Variants in SLC6A8 observed in about 807,000 individuals in gnomAD.
SLC6A8 encodes the protein sodium- and chloride-dependent creatine transporter 1.
SLC6A8 carries 6 observed loss-of-function variants against 48.3 expected under a neutral mutation model. The observed-to-expected ratio is 0.12, with a 90% CI of 0.07 to 0.25. SLC6A8 has a LOEUF of 0.25. Among genes scored for constraint, SLC6A8 ranks in the 10% least tolerant of loss-of-function variants. The pLI, the probability that SLC6A8 is intolerant of heterozygous loss-of-function variation, is 1.00. For missense variants in SLC6A8, 260 were observed against 551.5 expected, an observed-to-expected ratio of 0.47 and a Z score of 5.29; for synonymous variants, 245 against 244.0, an observed-to-expected ratio of 1.00 and a Z score of -0.04.
Position 153,688,542 on chromosome X carries a change from G to T in SLC6A8, c.-33G>T. 1.2e-6 allele frequency: 1 copy of T among 828,842 alleles called. No homozygotes were observed. The allele number at this position is 828,842 out of a possible 1,213,427, so 68.3% of individuals were successfully genotyped here. A position where few individuals can be genotyped will look rare whatever the true frequency, so the allele number is the denominator to read the frequency against. On this transcript the variant is annotated 5_prime_UTR_variant, in exon 1 of 13. Coordinates refer to ENST00000253122, the MANE Select transcript of SLC6A8 (RefSeq NM_005629.4). ...ACCGCCGCCCCCCGTGAGGCGCCGC[G>T]ACCCCGGCCCGGCCGTGCGGCCCGC...
Position 153,696,192 on chromosome X carries a change from C to A in SLC6A8, c.*978C>A, listed in dbSNP as rs1234170254. 1.1e-4 allele frequency: 29 copies of A among 254,156 alleles called. No homozygotes were observed. In the Admixed American group the frequency reaches 1.4e-3, roughly 13 times the overall value. The allele number at this position is 254,156 out of a possible 1,213,427, so 20.9% of individuals were successfully genotyped here. A position where few individuals can be genotyped will look rare whatever the true frequency, so the allele number is the denominator to read the frequency against. On this transcript the variant is annotated 3_prime_UTR_variant, in exon 13 of 13. Transcript: ENST00000253122. Reference sequence around the variant, plus strand: ...GATTGGAAAAGTGCATGGTGGGGGCCTCGGGGCTGTCCCCACGCTGTCCCT... The same window carrying A: ...GATTGGAAAAGTGCATGGTGGGGGCATCGGGGCTGTCCCCACGCTGTCCCT...
Position 153,696,105 on chromosome X carries a change from G to C in SLC6A8, c.*891G>C, listed in dbSNP as rs782666619. 1.0e-5 allele frequency: 2 copies of C among 196,493 alleles called. No homozygotes were observed. Among genetic ancestry groups the C allele is most frequent in the East Asian group, 1.6e-4 (1 of 6,444 alleles). 16.2% of individuals were successfully genotyped at this position (196,493 alleles called of 1,213,427 possible). Reference sequence around the variant, plus strand: ...CTTTCATAGGCAAAACAAAAGCTTCGAGCTGTTGCGTGTGTGAGTCTGTTG... The same window carrying C: ...CTTTCATAGGCAAAACAAAAGCTTCCAGCTGTTGCGTGTGTGAGTCTGTTG... On this transcript the variant is annotated 3_prime_UTR_variant, in exon 13 of 13. Transcript: ENST00000253122.
chrX:153,693,380 C>T lies in SLC6A8; in HGVS notation c.1016+14C>T. The T allele has an allele frequency of 8.3e-7, 1 of 1,205,783 alleles. No homozygotes were observed. The highest frequency in any genetic ancestry group is 1.1e-6 in the Non-Finnish European group (1 of 890,060). Reference sequence around the variant, plus strand: ...CAACTGCTACAAGTAAGCACCGCCGCCCTGCCACCCGTGCCCTGTCCTGCC... The same window carrying T: ...CAACTGCTACAAGTAAGCACCGCCGTCCTGCCACCCGTGCCCTGTCCTGCC... On this transcript the variant is annotated intron_variant, in intron 6 of 12. Transcript: ENST00000253122.
At chrX:153,690,263 GACTC>G (rs2091448024) in intron 1 of SLC6A8, 108 bp from the exon 2 acceptor site, 1 of 851,786 alleles carries the variant, frequency 1.2e-6, no homozygotes, top group Non-Finnish European at 1.7e-6. Context: ...CCCCTACACT[GACTC>G]ACCCAGTCGG....
Position 153,688,649 on chromosome X carries a change from C to T in SLC6A8, c.75C>T (p.Pro25=). ...AGAAGAAGGGCCCCCTCATCGCGCC[C>T]GGGCCCGACGGGGCCCCGGCCAAGG... ...GDEKKGPLIA[P]GPDGAPAKGD... is the part of the protein sequence containing the mutation. The change falls in exon 1 of 13, where the codon CCC becomes CCT. Residue 25 remains proline, a synonymous_variant. Coordinates refer to ENST00000253122, the MANE Select transcript of SLC6A8 (RefSeq NM_005629.4). 1 of 1,077,345 alleles carries T rather than the reference C, an allele frequency of 9.3e-7. No individual in the cohort carries two copies. The allele number at this position is 1,077,345 out of a possible 1,213,427, so 88.8% of individuals were successfully genotyped here.
intron 1 of SLC6A8, among the ~76,000 whole-genome samples, chrX:153,690,138 G>A (rs1328266427): frequency 8.8e-6 from 1 of 113,048 alleles, no homozygotes; most frequent in Non-Finnish European, 1.9e-5. Flanking sequence ...GGGGCCTAGG[G>A]CCCCTCTGCC....
rs782334227 is a variant in SLC6A8 at position 153,694,182 on chromosome X, CCTA to C, written c.1313_1315del (p.Tyr438del). ...GGCCTCCTCGACCTCCTCCCGGCCT[CCTA>C]CTACTTCCGTTTCCAAAGGGAGATC... On this transcript the variant is annotated inframe_deletion, in exon 9 of 13. Transcript: ENST00000253122. The C allele has an allele frequency of 8.3e-7, 1 of 1,210,825 alleles. No homozygotes were observed. Among genetic ancestry groups the C allele is most frequent in the Non-Finnish European group, 1.1e-6 (1 of 894,635 alleles).
Position 153,691,879 on chromosome X carries a change from C to A in SLC6A8, c.645-96C>A, listed in dbSNP as rs552994820. 1.2e-5 allele frequency: 12 copies of A among 990,453 alleles called. No individual in the cohort carries two copies. The South Asian group carries it at 1.8e-4, about 15-fold the overall frequency. The allele number at this position is 990,453 out of a possible 1,213,427, so 81.6% of individuals were successfully genotyped here. A position where few individuals can be genotyped will look rare whatever the true frequency, so the allele number is the denominator to read the frequency against. ...CAAGAGGGACCCGCTGAACCCTGGG[C>A]TGTGGGAGAGAAGGGAGCCACAACT... On this transcript the variant is annotated intron_variant, in intron 3 of 12. Coordinates refer to ENST00000253122, the MANE Select transcript of SLC6A8 (RefSeq NM_005629.4).
Position 153,696,402 on chromosome X carries a change from G to C in SLC6A8, c.*1188G>C, listed in dbSNP as rs1216849868. On this transcript the variant is annotated 3_prime_UTR_variant, in exon 13 of 13. Coordinates refer to ENST00000253122, the MANE Select transcript of SLC6A8 (RefSeq NM_005629.4). The stretch of plus-strand genomic sequence containing the variant: ...CGCACCTCCAGTCTTCTGTGTAGCA[G>C]CTTTAACCCACGTTTGTCTGTCACG... 9 of 330,259 alleles carry C rather than the reference G, an allele frequency of 2.7e-5. No individual in the cohort carries two copies. The highest frequency in any genetic ancestry group is 5.3e-5 in the Non-Finnish European group (9 of 169,826). The allele number at this position is 330,259 out of a possible 1,213,427, so 27.2% of individuals were successfully genotyped here. A position where few individuals can be genotyped will look rare whatever the true frequency, so the allele number is the denominator to read the frequency against.
In SLC6A8 at chrX:153,696,308, C is replaced by T. The variant is rs782122554; in HGVS notation, c.*1094C>T. On this transcript the variant is annotated 3_prime_UTR_variant, in exon 13 of 13. Coordinates refer to ENST00000253122, the MANE Select transcript of SLC6A8 (RefSeq NM_005629.4). ...GCCTGCTCAGGCTTCCCACCCTGTGCGGGGCACACCCCCAGGAAGGGACCC... is the reference window on the plus strand; with the variant it reads ...GCCTGCTCAGGCTTCCCACCCTGTGTGGGGCACACCCCCAGGAAGGGACCC... 2.2e-5 allele frequency: 7 copies of T among 325,060 alleles called. No individual in the cohort carries two copies. The highest frequency in any genetic ancestry group is 1.1e-4 in the South Asian group (4 of 37,348). The allele number at this position is 325,060 out of a possible 1,213,427, so 26.8% of individuals were successfully genotyped here.
In SLC6A8 at chrX:153,688,706, C is replaced by A. The variant is rs2148358531; in HGVS notation, c.132C>A (p.Gly44=). 8.9e-7 allele frequency: 1 copy of A among 1,125,507 alleles called. No homozygotes were observed. The highest frequency in any genetic ancestry group is 1.2e-6 in the Non-Finnish European group (1 of 850,409). The allele number at this position is 1,125,507 out of a possible 1,213,427, so 92.8% of individuals were successfully genotyped here. The change falls in exon 1 of 13, where the codon GGC becomes GGA. Residue 44 remains glycine, a synonymous_variant. Transcript: ENST00000253122. ...GCCCCGTGGGCCTGGGGACACCCGG[C>A]GGCCGCCTGGCCGTGCCGCCGCGCG... ...GDGPVGLGTP[G]GRLAVPPRET...
intron 1 of SLC6A8, among the ~76,000 whole-genome samples, chrX:153,689,175 C>T (rs2091440725): frequency 8.9e-6 from 1 of 112,192 alleles, no homozygotes; most frequent in East Asian, 2.9e-4. Context: ...TGGCTGCCCC[C>T]ACGGGTCGGG....
chrX:153,689,055 C>T (rs1377288084), intron 1 of SLC6A8: 1 of 125,521 alleles, frequency 8.0e-6, no homozygotes, highest in Non-Finnish European at 1.6e-5. Flanking sequence ...GGGAGGGGGC[C>T]GGCGATGCCC....
chrX:153,688,804 G>A lies in SLC6A8; in HGVS notation c.230G>A (p.Arg77His). 1.8e-6 allele frequency: 2 copies of A among 1,138,351 alleles called. No homozygotes were observed. The highest frequency in any genetic ancestry group is 2.3e-6 in the Non-Finnish European group (2 of 856,220). 93.8% of individuals were successfully genotyped at this position (1,138,351 alleles called of 1,213,427 possible). A position where few individuals can be genotyped will look rare whatever the true frequency, so the allele number is the denominator to read the frequency against. Residue 77 changes from arginine (R) to histidine (H), a missense_variant, in exon 1 of 13, where the codon CGC (arginine) becomes CAC (histidine). Arg to His is a conservative substitution (Grantham distance 29). Coordinates refer to ENST00000253122, the MANE Select transcript of SLC6A8 (RefSeq NM_005629.4). ...GCCGTGGGCTTGGGCAACGTGTGGC[G>A]CTTCCCCTACCTGTGCTACAAGAAC... ...GFAVGLGNVW[R>H]FPYLCYKNGG...
At chrX:153,692,835 C>CG (rs2091464012) in intron 4 of SLC6A8, 4 of 512,816 alleles carry the variant, frequency 7.8e-6, no homozygotes, top group Non-Finnish European at 1.4e-5. Flanking sequence ...TGCAGACAAA[C>CG]GAGGCGCCCA....
At position 153,690,445 on chromosome X, in the gene SLC6A8, G is replaced by C. The variant is rs781916894; in HGVS notation, c.333G>C (p.Ser111=). The C allele has an allele frequency of 8.4e-7, 1 of 1,193,017 alleles. No homozygotes were observed. The change falls in exon 2 of 13, where the codon TCG becomes TCC. Residue 111 remains serine, a synonymous_variant. Transcript: ENST00000253122. ...TCCCCATTTTCTTCTTAGAGATCTCGCTGGGCCAGTTCATGAAGGCCGGCA... is the reference window on the plus strand; with the variant it reads ...TCCCCATTTTCTTCTTAGAGATCTCCCTGGGCCAGTTCATGAAGGCCGGCA... ...GGIPIFFLEI[S]LGQFMKAGSI...
Position 153,694,889 on chromosome X carries a change from G to A in SLC6A8, c.1767G>A (p.Glu589=), listed in dbSNP as rs1131691726. Residue 589 remains glutamate (E), a splice_region_variant and synonymous_variant, in exon 12 of 13, where the codon GAG becomes GAA. Coordinates refer to ENST00000253122, the MANE Select transcript of SLC6A8 (RefSeq NM_005629.4). The part of the protein sequence containing the change: ...CLLRAKGTMA[E]RWQHLTQPIW... The stretch of plus-strand genomic sequence containing the variant: ...TCAGGGCCAAGGGCACCATGGCTGA[G>A]GTAAGGCTCCCGCCCGGCCCGCCCT... 2.5e-6 allele frequency: 3 copies of A among 1,184,770 alleles called. No individual in the cohort carries two copies. In the African/African-American group the frequency reaches 5.3e-5, roughly 21 times the overall value.
rs782722002 is a variant in SLC6A8 at position 153,696,374 on chromosome X, TC to T, written c.*1163del. 7.0e-5 allele frequency: 23 copies of T among 329,901 alleles called. No homozygotes were observed. The highest frequency in any genetic ancestry group is 5.7e-4 in the South Asian group (22 of 38,424). 27.2% of individuals were successfully genotyped at this position (329,901 alleles called of 1,213,427 possible). A position where few individuals can be genotyped will look rare whatever the true frequency, so the allele number is the denominator to read the frequency against. ...CGTCCAGGCTTAAGGTGGATGCACT[TC>T]CCGCACCTCCAGTCTTCTGTGTAGC... is the stretch of plus-strand genomic sequence containing the variant. On this transcript the variant is annotated 3_prime_UTR_variant, in exon 13 of 13. Transcript: ENST00000253122.
At position 153,695,514 on chromosome X, in the gene SLC6A8, C is replaced by T; in HGVS notation, c.*300C>T. On this transcript the variant is annotated 3_prime_UTR_variant, in exon 13 of 13. Transcript: ENST00000253122. ...CAGTGCTGCACTCCTCCTGCCCCTG[C>T]CACGCCCACCCCCTGCCCACCTCTC... 2.9e-6 allele frequency: 1 copy of T among 342,063 alleles called. No individual in the cohort carries two copies. The highest frequency in any genetic ancestry group is 5.2e-6 in the Non-Finnish European group (1 of 192,021). The allele number at this position is 342,063 out of a possible 1,213,427, so 28.2% of individuals were successfully genotyped here. A position where few individuals can be genotyped will look rare whatever the true frequency, so the allele number is the denominator to read the frequency against.
Sources: gnomAD v4.1 joint callset for allele counts (sites outside exome capture counted in the v4.1 genomes callset) on GRCh38, gnomAD v4.1.1 for gene constraint, MANE v1.5 for transcripts, NCBI Gene and HGNC (gene_info 2026-07-23, HGNC 2026-07-21) for gene names.